CDH13: variants seen among roughly 807,000 people sequenced by gnomAD.
CDH13 encodes cadherin-13.
Under a neutral mutation model 63.8 loss-of-function variants are expected in CDH13, and 24 were observed. That is an observed-to-expected ratio of 0.38 (90% confidence interval 0.27 to 0.53). The LOEUF (loss-of-function observed/expected upper bound fraction) is 0.53. Among genes scored for constraint, CDH13 ranks in the 20% least tolerant of loss-of-function variants. CDH13 has a pLI of 0.85. For synonymous variants in CDH13, 503 were observed against 355.3 expected (o/e 1.42, Z -4.67); for missense variants, 1,049 against 903.1 (o/e 1.16, Z -2.07).
intron 6 of CDH13, among the ~76,000 whole-genome samples, chr16:83,409,985 C>G (rs936283878): frequency 6.6e-6 from 1 of 152,166 alleles, no homozygotes; most frequent in African/African-American, 2.4e-5. Context: ...GGCTAGTGGG[C>G]CTTATTTCCT....
At chr16:82,897,589 TG>T (rs1167258203) in intron 2 of CDH13, among the ~76,000 whole-genome samples, 4 of 152,242 alleles carry the variant, frequency 2.6e-5, no homozygotes, top group African/African-American at 9.6e-5. Flanking sequence ...AGATAGGTTA[TG>T]CAACTTACTC....
At chr16:83,698,725 A>G (rs1264515969) in intron 10 of CDH13, among the ~76,000 whole-genome samples, 2 of 152,218 alleles carry the variant, frequency 1.3e-5, no homozygotes, top group East Asian at 3.8e-4. Context: ...ACTTCAGTCC[A>G]GCGTCTTGCC....
chr16:83,344,336 C>T (rs745464178), intron 5 of CDH13, among the ~76,000 whole-genome samples: 1 of 152,136 alleles, frequency 6.6e-6, no homozygotes, highest in Non-Finnish European at 1.5e-5. Context: ...GCCTGGTGGG[C>T]AGGAATCCCG....
At chr16:83,659,588 C>A (rs1913250937) in intron 8 of CDH13, among the ~76,000 whole-genome samples, 1 of 152,212 alleles carries the variant, frequency 6.6e-6, no homozygotes, top group Non-Finnish European at 1.5e-5. Flanking sequence ...GGGCCCCATC[C>A]AAGAACGATC....
chr16:83,169,701 T>C (rs1016499255), intron 4 of CDH13, among the ~76,000 whole-genome samples: 8 of 152,134 alleles, frequency 5.3e-5, no homozygotes, highest in African/African-American at 1.9e-4. Flanking sequence ...TTGCCTGTCA[T>C]ATGTTTGTTG....
At chr16:83,339,659 C>G (rs976705806) in intron 5 of CDH13, among the ~76,000 whole-genome samples, 2 of 152,146 alleles carry the variant, frequency 1.3e-5, no homozygotes, top group Admixed American at 6.5e-5. Flanking sequence ...AGGTCCAGTG[C>G]TCTTTCCACA....
chr16:83,208,655 C>A (rs1004360310), intron 4 of CDH13, among the ~76,000 whole-genome samples: 1 of 152,174 alleles, frequency 6.6e-6, no homozygotes, highest in Non-Finnish European at 1.5e-5. Flanking sequence ...TACCTTCATC[C>A]TCTAAAGACC....
intron 7 of CDH13, among the ~76,000 whole-genome samples, chr16:83,543,513 G>C (rs959191217): frequency 2.0e-5 from 3 of 152,194 alleles, no homozygotes; most frequent in Non-Finnish European, 4.4e-5. Flanking sequence ...TTTAGCAAGT[G>C]CTGTGATCTA....
intron 8 of CDH13, among the ~76,000 whole-genome samples, chr16:83,617,523 T>G (rs1458441976): frequency 6.6e-6 from 1 of 151,568 alleles, no homozygotes; most frequent in Non-Finnish European, 1.5e-5. Context: ...CATATTCTAA[T>G]ATATAATATC....
In CDH13 at chr16:83,127,948, A is replaced by G. The variant is rs148701311; in HGVS notation, c.483+2447A>G. Among the ~76,000 whole-genome samples, 35 of 152,294 alleles carry G rather than the reference A, an allele frequency of 2.3e-4. No individual in the cohort carries two copies. The East Asian group carries it at 6.0e-3, about 26-fold the overall frequency. ...CCCTTGGGCAGCCCTAGCCACTGTG[A>G]TGATCCTTTTCTAGACAGGTTTCCT... On this transcript the variant is annotated intron_variant, in intron 4 of 13. Transcript: ENST00000567109.
intron 5 of CDH13, 137 bp downstream of exon 5, chr16:83,217,634 T>G: frequency 1.2e-6 from 1 of 845,038 alleles, no homozygotes; most frequent in Non-Finnish European, 1.8e-6. Flanking sequence ...CTGTGGGAGC[T>G]GAAGTGGATG....
intron 10 of CDH13, among the ~76,000 whole-genome samples, chr16:83,744,466 G>C (rs1414680678): frequency 1.3e-5 from 2 of 152,360 alleles, no homozygotes; most frequent in Non-Finnish European, 2.9e-5. Context: ...AATAGTGAAA[G>C]GATCATTGCA....
chr16:83,395,245 C>T (rs572021735), intron 6 of CDH13, among the ~76,000 whole-genome samples: 66 of 150,634 alleles, frequency 4.4e-4, no homozygotes, highest in Non-Finnish European at 6.9e-4. Context: ...ACCTAGGAGG[C>T]GGAGGTTGCA....
chr16:83,119,136 G>A (rs2035447867), intron 3 of CDH13, among the ~76,000 whole-genome samples: 1 of 152,154 alleles, frequency 6.6e-6, no homozygotes, highest in Non-Finnish European at 1.5e-5. Flanking sequence ...CCTCTGCCTT[G>A]TGTAACGTGG....
intron 2 of CDH13, among the ~76,000 whole-genome samples, chr16:82,913,020 T>G (rs1050987439): frequency 2.6e-5 from 4 of 152,006 alleles, no homozygotes; most frequent in African/African-American, 7.2e-5. Flanking sequence ...AAAATCTGAA[T>G]TTAGGCCTAA....
At chr16:83,670,702 G>T in intron 8 of CDH13, 88 bp from the exon 9 acceptor site, 1 of 1,070,174 alleles carries the variant, frequency 9.3e-7, no homozygotes, top group Non-Finnish European at 1.4e-6. Flanking sequence ...TAAGTGAGAT[G>T]ATGTGTGTAA....
chr16:83,558,334 C>T (rs2150682956), intron 7 of CDH13, among the ~76,000 whole-genome samples: 1 of 152,272 alleles, frequency 6.6e-6, no homozygotes, highest in Non-Finnish European at 1.5e-5. Flanking sequence ...CAGCCACAAA[C>T]ATCTATGAAA....
At chr16:82,728,727 A>G (rs2033236743) in intron 1 of CDH13, among the ~76,000 whole-genome samples, 1 of 152,124 alleles carries the variant, frequency 6.6e-6, no homozygotes, top group African/African-American at 2.4e-5. Flanking sequence ...ACCACAATGA[A>G]GTTGTCTGCA....
intron 7 of CDH13, among the ~76,000 whole-genome samples, chr16:83,541,130 G>A (rs1198699719): frequency 6.6e-6 from 1 of 152,216 alleles, no homozygotes; most frequent in South Asian, 2.1e-4. Flanking sequence ...GCCACCTCCA[G>A]CCTCTGGCCT....
Sources: allele counts gnomAD v4.1 joint callset (sites outside exome capture counted in the v4.1 genomes callset), GRCh38; gene constraint gnomAD v4.1.1; transcripts MANE v1.5; gene names NCBI Gene and HGNC (gene_info 2026-07-23, HGNC 2026-07-21).